The following WWP2 variants were observed in gnomAD, a reference collection of about 807,000 sequenced individuals.
The protein encoded by WWP2 is NEDD4-like E3 ubiquitin-protein ligase WWP2.
WWP2 carries 57 observed loss-of-function variants against 121.0 expected under a neutral mutation model. The observed-to-expected ratio is 0.47, with a 90% CI of 0.38 to 0.59. The LOEUF is 0.59. WWP2 is among the 20% of genes least tolerant of loss of function. The probability of loss-of-function intolerance (pLI) is 0.00; values close to 1 mark genes in which losing one functional copy is unlikely to be tolerated. For synonymous variants in WWP2, 449 were observed against 441.3 expected (o/e 1.02, Z -0.22); for missense variants, 962 against 1,158.9 (o/e 0.83, Z 2.47).
intron 3 of WWP2, 78 bp downstream of exon 3, chr16:69,798,907 A>G: frequency 1.3e-6 from 2 of 1,562,604 alleles, no homozygotes; most frequent in Non-Finnish European, 1.7e-6. Flanking sequence ...TGTGGGAGGT[A>G]CAGATTCCCT....
In WWP2 at chr16:69,806,565, C is replaced by CT. The variant is rs1008366205; in HGVS notation, c.340+7279dup. 7.3e-5 allele frequency among the ~76,000 whole-genome samples: 11 copies of CT among 151,310 alleles called. No individual in the cohort carries two copies. In the South Asian group the frequency reaches 1.0e-3, roughly 14 times the overall value. On this transcript the variant is annotated intron_variant, in intron 4 of 23. Coordinates refer to ENST00000359154, the MANE Select transcript of WWP2 (RefSeq NM_001270454.2). The stretch of plus-strand genomic sequence containing the variant: ...TTGCTTTGAAATAATTCTTTGATGA[C>CT]TTTTTTTTTCAGTTTTCCCCCCCAT...
At chr16:69,762,952 G>A (rs1286189731) in intron 1 of WWP2, among the ~76,000 whole-genome samples, 1 of 152,052 alleles carries the variant, frequency 6.6e-6, no homozygotes, top group African/African-American at 2.4e-5. Context: ...CTTCCCTCGC[G>A]CCCACTTAGT....
intron 1 of WWP2, among the ~76,000 whole-genome samples, chr16:69,769,355 G>A (rs2055366141): frequency 6.6e-6 from 1 of 150,890 alleles, no homozygotes; most frequent in African/African-American, 2.4e-5. Context: ...TGGGTGCAAG[G>A]TTTATCTCTA....
intron 1 of WWP2, among the ~76,000 whole-genome samples, chr16:69,772,569 A>G (rs2055440369): frequency 6.6e-6 from 1 of 152,180 alleles, no homozygotes; most frequent in Non-Finnish European, 1.5e-5. Flanking sequence ...TGTCCCTAGT[A>G]GCAGCTCAGG....
intron 16 of WWP2, 87 bp downstream of exon 16, chr16:69,931,977 T>C (rs1410979016): frequency 1.6e-6 from 2 of 1,249,136 alleles, no homozygotes; most frequent in Non-Finnish European, 2.3e-6. Flanking sequence ...TGCCCCCTGC[T>C]CACATTCCCT....
intron 8 of WWP2, among the ~76,000 whole-genome samples, chr16:69,901,138 A>G (rs2058197175): frequency 6.6e-6 from 1 of 152,212 alleles, no homozygotes; most frequent in Non-Finnish European, 1.5e-5. Context: ...AAACAGCCTG[A>G]AAACATCCCT....
At chr16:69,795,942 C>T (rs1014422925) in intron 2 of WWP2, among the ~76,000 whole-genome samples, 3 of 151,818 alleles carry the variant, frequency 2.0e-5, no homozygotes, top group African/African-American at 7.3e-5. Context: ...GCCACCATGC[C>T]CTGCTTCAAA....
intron 23 of WWP2, 47 bp from the exon 24 acceptor site, chr16:69,939,794 G>A (rs1385978389): frequency 6.4e-7 from 1 of 1,564,602 alleles, no homozygotes; most frequent in Admixed American, 1.8e-5. Flanking sequence ...GGCTATCAGA[G>A]CCCTGGCCTC....
intron 6 of WWP2, among the ~76,000 whole-genome samples, chr16:69,869,436 C>T (rs2057590866): frequency 1.3e-5 from 2 of 150,580 alleles, no homozygotes; most frequent in South Asian, 4.2e-4. Context: ...GCCACGCTCT[C>T]AGGCTGAAGT....
At chr16:69,911,170 C>T (rs1027509481) in intron 9 of WWP2, among the ~76,000 whole-genome samples, 10 of 152,192 alleles carry the variant, frequency 6.6e-5, no homozygotes, top group African/African-American at 9.7e-5. Context: ...ATTGAACCAC[C>T]GATTCACTTA....
At chr16:69,780,849 A>T (rs1017448884) in intron 1 of WWP2, among the ~76,000 whole-genome samples, 1 of 152,074 alleles carries the variant, frequency 6.6e-6, no homozygotes, top group African/African-American at 2.4e-5. Context: ...ACAAAAAATA[A>T]ATACATAAAT....
In WWP2 at chr16:69,818,737, A is replaced by G. The variant is rs144269070; in HGVS notation, c.340+19442A>G. Among the ~76,000 whole-genome samples the G allele has an allele frequency of 2.5e-3, 387 of 151,802 alleles. 2 individuals carry two copies. The highest frequency in any genetic ancestry group is 8.7e-3 in the African/African-American group (362 of 41,380). ...GGGTTTTCTGTCCATCTCTCTGGTC[A>G]CTCTCATTCAGTCTCCCTTGCTCGT... On this transcript the variant is annotated intron_variant, in intron 4 of 23. Coordinates refer to ENST00000359154, the MANE Select transcript of WWP2 (RefSeq NM_001270454.2).
Position 69,799,436 on chromosome 16 carries a change from G to A in WWP2, c.340+141G>A, listed in dbSNP as rs8063027. ...CCTTGGATGCTGTCTTTGGAGTTTT[G>A]GGAAGGCTGAGGGCTCCTCTCTGCC... On this transcript the variant is annotated intron_variant, in intron 4 of 23. Transcript: ENST00000359154. This position sits in a 1 kb window ranked among gnomAD's most constrained non-coding sequence, Gnocchi z 4.5. The A allele has an allele frequency of 0.012, 15,584 of 1,265,642 alleles. 1,403 individuals are homozygous for A. The African/African-American group carries it at 0.2, about 16-fold the overall frequency. The allele number at this position is 1,265,642 out of a possible 1,614,324, so 78.4% of individuals were successfully genotyped here.
At chr16:69,765,344 TG>T (rs2038704724) in intron 1 of WWP2, among the ~76,000 whole-genome samples, 1 of 152,230 alleles carries the variant, frequency 6.6e-6, no homozygotes, top group African/African-American at 2.4e-5. Context: ...GGCTTGCACT[TG>T]TGGCTCCCAT....
rs1410345024 is a variant in WWP2 at position 69,889,480 on chromosome 16, T to C, written c.914+1231T>C. On this transcript the variant is annotated intron_variant, in intron 8 of 23. Transcript: ENST00000359154. ...GCTCTGGGTTTGAATCCCCCCACCATGTGACCTTGGCCGAATGACTTAGCC... is the reference window on the plus strand; with the variant it reads ...GCTCTGGGTTTGAATCCCCCCACCACGTGACCTTGGCCGAATGACTTAGCC... Among the ~76,000 whole-genome samples, 4 of 152,200 alleles carry C rather than the reference T, an allele frequency of 2.6e-5. 1 individual carries two copies. Among genetic ancestry groups the C allele is most frequent in the Non-Finnish European group, 4.4e-5 (3 of 68,044 alleles).
chr16:69,848,589 A>G (rs749287202), intron 6 of WWP2, among the ~76,000 whole-genome samples: 6 of 146,238 alleles, frequency 4.1e-5, no homozygotes, highest in Non-Finnish European at 6.0e-5. Flanking sequence ...GTGAGCCAAG[A>G]TGGAGACCCT....
chr16:69,924,478 T>C (rs1195282722), intron 10 of WWP2, among the ~76,000 whole-genome samples: 4 of 152,110 alleles, frequency 2.6e-5, no homozygotes, highest in Admixed American at 2.6e-4. Context: ...ACTTGTTTTA[T>C]TTAACGACCA....
intron 2 of WWP2, among the ~76,000 whole-genome samples, chr16:69,797,066 G>T (rs1387833846): frequency 6.6e-6 from 1 of 152,206 alleles, no homozygotes; most frequent in African/African-American, 2.4e-5. Context: ...TTTGGGGCAG[G>T]ATGGGAGACG....
At chr16:69,893,081 C>A (rs1304540906) in intron 8 of WWP2, among the ~76,000 whole-genome samples, 1 of 152,224 alleles carries the variant, frequency 6.6e-6, no homozygotes, top group African/African-American at 2.4e-5. Context: ...AGGATCCTCC[C>A]CCATGCTGGT....
Sources: allele counts gnomAD v4.1 joint callset (sites outside exome capture counted in the v4.1 genomes callset), GRCh38; gene constraint gnomAD v4.1.1; non-coding constraint Gnocchi (gnomAD v3.1); transcripts MANE v1.5; gene names NCBI Gene and HGNC (gene_info 2026-07-23, HGNC 2026-07-21).